Variants in METAP1 observed in about 807,000 individuals in gnomAD.
METAP1 encodes methionine aminopeptidase 1.
In METAP1, 28 loss-of-function variants were observed where a neutral mutation model predicts 53.8. The ratio of observed to expected loss-of-function variants is 0.52; its 90% CI spans 0.39 to 0.71. The LOEUF (loss-of-function observed/expected upper bound fraction) is 0.71. METAP1 is among the 30% of genes least tolerant of loss of function. METAP1 has a pLI of 0.00. For missense variants in METAP1, 389 were observed against 479.8 expected, an observed-to-expected ratio of 0.81 and a Z score of 1.77; for synonymous variants, 181 against 165.7, an observed-to-expected ratio of 1.09 and a Z score of -0.71.
At chr4:99,054,083 C>A (rs978586647) in intron 9 of METAP1, among the ~76,000 whole-genome samples, 2 of 151,724 alleles carry the variant, frequency 1.3e-5, no homozygotes, top group Non-Finnish European at 2.9e-5. Context: ...CTGCAGGATC[C>A]CCTAACAAGA....
chr4:99,024,202 C>T (rs1317749987), intron 1 of METAP1, among the ~76,000 whole-genome samples: 1 of 152,134 alleles, frequency 6.6e-6, no homozygotes, highest in Non-Finnish European at 1.5e-5. Flanking sequence ...CATGCAGCCC[C>T]CAGTCACGTA....
At chr4:99,051,658 T>C (rs1397033212) in intron 9 of METAP1, among the ~76,000 whole-genome samples, 2 of 152,204 alleles carry the variant, frequency 1.3e-5, no homozygotes, top group South Asian at 2.1e-4. Context: ...CCCAAGGAGC[T>C]GGGGTTACAG....
At chr4:99,013,015 G>A (rs1723563243) in intron 1 of METAP1, among the ~76,000 whole-genome samples, 1 of 152,156 alleles carries the variant, frequency 6.6e-6, no homozygotes, top group Non-Finnish European at 1.5e-5. Context: ...GGATTGTGAA[G>A]ACCAAGGTTC....
intron 1 of METAP1, among the ~76,000 whole-genome samples, chr4:99,012,340 G>A (rs1033562112): frequency 1.4e-5 from 2 of 146,288 alleles, no homozygotes; most frequent in African/African-American, 5.0e-5. Flanking sequence ...GCACAATCTT[G>A]GCTTACTGCA....
intron 3 of METAP1, 118 bp from the exon 4 acceptor site, chr4:99,035,280 ATC>A (rs1725343971): frequency 2.9e-6 from 2 of 679,338 alleles, no homozygotes; most frequent in African/African-American, 1.8e-5. Context: ...TGAAATATAT[ATC>A]TGTTATAATA....
chr4:99,000,620 T>C (rs1180342370), intron 1 of METAP1, among the ~76,000 whole-genome samples: 1 of 151,900 alleles, frequency 6.6e-6, no homozygotes, highest in African/African-American at 2.4e-5. Context: ...AAAGAAGTGG[T>C]AGGTAACATG....
At chr4:99,025,745 A>G (rs1396006365) in intron 1 of METAP1, among the ~76,000 whole-genome samples, 1 of 152,204 alleles carries the variant, frequency 6.6e-6, no homozygotes, top group Non-Finnish European at 1.5e-5. Flanking sequence ...GTGCCTCATT[A>G]TACCCTTCCA....
chr4:99,042,348 A>G (rs1725934405), intron 6 of METAP1, among the ~76,000 whole-genome samples: 1 of 151,950 alleles, frequency 6.6e-6, no homozygotes, highest in Non-Finnish European at 1.5e-5. Flanking sequence ...TAGTAAAATC[A>G]TGGTATATTC....
chr4:99,010,141 C>T (rs62323246), intron 1 of METAP1, among the ~76,000 whole-genome samples: 3,337 of 152,252 alleles, frequency 0.022, 45 homozygotes, highest in Non-Finnish European at 0.035. Flanking sequence ...CTATTCTTTG[C>T]CTGTTGGCAC....
chr4:99,035,322 CT>C (rs1348218488), intron 3 of METAP1, 77 bp from the exon 4 acceptor site: 1 of 1,029,732 alleles, frequency 9.7e-7, no homozygotes, highest in South Asian at 1.4e-5. Flanking sequence ...CTTCTAAAAA[CT>C]TTTGAATGGA....
chr4:99,035,485 C>T (rs954578264), intron 4 of METAP1, 25 bp downstream of exon 4: 1 of 1,509,774 alleles, frequency 6.6e-7, no homozygotes, highest in Non-Finnish European at 9.0e-7. Context: ...GTTGATTCTT[C>T]ATTTTTCAAT....
chr4:99,026,801 T>C, intron 1 of METAP1: 1 of 985,370 alleles, frequency 1.0e-6, no homozygotes, highest in Non-Finnish European at 1.2e-6. Context: ...TTAATGATGT[T>C]GAAGACCATG....
At chr4:99,026,809 A>G (rs1248349671) in intron 1 of METAP1, 9 of 985,308 alleles carry the variant, frequency 9.1e-6, no homozygotes, top group East Asian at 1.1e-4. Flanking sequence ...GTTGAAGACC[A>G]TGACTTGGTT....
intron 2 of METAP1, among the ~76,000 whole-genome samples, chr4:99,029,418 A>G (rs918834799): frequency 6.6e-5 from 10 of 152,200 alleles, no homozygotes; most frequent in African/African-American, 2.2e-4. Flanking sequence ...TGACACTACA[A>G]AGTAAAACTA....
intron 1 of METAP1, among the ~76,000 whole-genome samples, chr4:99,003,329 C>A (rs1723008028): frequency 6.6e-6 from 1 of 152,222 alleles, no homozygotes; most frequent in Non-Finnish European, 1.5e-5. Flanking sequence ...CCAATCTTTG[C>A]ATCACATTCT....
At chr4:99,024,015 A>G (rs1379486981) in intron 1 of METAP1, among the ~76,000 whole-genome samples, 1 of 152,224 alleles carries the variant, frequency 6.6e-6, no homozygotes, top group Non-Finnish European at 1.5e-5. Context: ...GAAAGAAGTA[A>G]AAACTAAAAG....
rs144216846 is a variant in METAP1, at chr4:99,023,744, A to G, written c.115-5123A>G. 6.0e-3 allele frequency: 5,911 copies of G among 985,368 alleles called. 26 individuals carry two copies. Among genetic ancestry groups the G allele is most frequent in the Non-Finnish European group, 6.6e-3 (5,452 of 829,864 alleles). The allele number at this position is 985,368 out of a possible 1,614,324, so 61.0% of individuals were successfully genotyped here. On this transcript the variant is annotated intron_variant, in intron 1 of 10. Transcript: ENST00000296411. ...AGTTTGGCAAGTCAGTGGGGCCTAA[A>G]ATAAGGTGGGAGTTAGTTGCACTGG...
At chr4:99,045,787 C>T (rs144690552) in intron 8 of METAP1, among the ~76,000 whole-genome samples, 3 of 152,254 alleles carry the variant, frequency 2.0e-5, no homozygotes, top group Non-Finnish European at 4.4e-5. Context: ...AATGCACACA[C>T]GTATGTGTAT....
At chr4:99,020,680 T>A (rs1189945599) in intron 1 of METAP1, among the ~76,000 whole-genome samples, 1 of 152,168 alleles carries the variant, frequency 6.6e-6, no homozygotes, top group African/African-American at 2.4e-5. Flanking sequence ...TGCCAGCACA[T>A]GGCATAGTGT....
Sources: gnomAD v4.1 joint callset for allele counts (sites outside exome capture counted in the v4.1 genomes callset) on GRCh38, gnomAD v4.1.1 for gene constraint, MANE v1.5 for transcripts, NCBI Gene and HGNC (gene_info 2026-07-23, HGNC 2026-07-21) for gene names.